Variants in CENPK observed in about 807,000 individuals in gnomAD.
The protein encoded by CENPK is centromere protein K.
In CENPK, 46 loss-of-function variants were observed where a neutral mutation model predicts 40.9. That is an observed-to-expected ratio of 1.13 (90% confidence interval 0.89 to 1.44). CENPK has a LOEUF of 1.44. Among genes scored for constraint, CENPK ranks in the 40% most tolerant of loss-of-function variants. CENPK has a pLI of 0.00. For synonymous variants in CENPK, 107 were observed against 104.4 expected (o/e 1.02, Z -0.15); for missense variants, 288 against 303.5 (o/e 0.95, Z 0.38).
chr5:65,501,945 C>T, the CENPK span, among the ~76,000 whole-genome samples: 56 of 152,260 alleles, frequency 3.7e-4, no homozygotes, highest in African/African-American at 1.3e-3. Context: ...AGGGTTGCCT[C>T]TTTACTACTG....
At chr5:65,527,556 A>T (rs1744950058) in intron 9 of CENPK, among the ~76,000 whole-genome samples, 1 of 89,648 alleles carries the variant, frequency 1.1e-5, no homozygotes, top group Non-Finnish European at 2.3e-5. Context: ...TATATATATG[A>T]ACTGTTCACA....
chr5:65,512,304 G>C, the CENPK span, among the ~76,000 whole-genome samples: 1 of 152,214 alleles, frequency 6.6e-6, no homozygotes, highest in Non-Finnish European at 1.5e-5. Context: ...GGTTTGAGAG[G>C]AGTGACTCTT....
downstream of CENPK, among the ~76,000 whole-genome samples, chr5:65,514,719 A>C (rs554122819): frequency 6.6e-6 from 1 of 152,354 alleles, no homozygotes; most frequent in East Asian, 1.9e-4. Flanking sequence ...TTGGAAGCTC[A>C]TAATTGATTC....
At chr5:65,562,474 G>C (rs1752180278) in intron 1 of CENPK, among the ~76,000 whole-genome samples, 1 of 152,188 alleles carries the variant, frequency 6.6e-6, no homozygotes, top group Non-Finnish European at 1.5e-5. Flanking sequence ...AAGTAGAGAA[G>C]AGATTTACGA....
the CENPK span, among the ~76,000 whole-genome samples, chr5:65,496,253 C>CAAACAAAACA: frequency 3.0e-3 from 457 of 150,514 alleles, 3 homozygotes; most frequent in African/African-American, 9.1e-3. Context: ...GACCTTGTCT[C>CAAACAAAACA]AAACAAAACA....
intron 9 of CENPK, among the ~76,000 whole-genome samples, chr5:65,522,455 G>T (rs1393239083): frequency 2.0e-5 from 3 of 151,842 alleles, no homozygotes; most frequent in Non-Finnish European, 2.9e-5. Flanking sequence ...TGGAGACAGG[G>T]TCTCACTCTG....
At chr5:65,527,529 ATATATATATATATATATATATATATG>A in intron 9 of CENPK, among the ~76,000 whole-genome samples, 1 of 79,694 alleles carries the variant, frequency 1.3e-5, no homozygotes, top group African/African-American at 3.8e-5. Context: ...ATATATATAT[ATATATATATATATATATATATATATG>A]AACTGTTCAC....
chr5:65,545,001 G>A (rs1748638094), intron 5 of CENPK, among the ~76,000 whole-genome samples: 1 of 151,932 alleles, frequency 6.6e-6, no homozygotes, highest in African/African-American at 2.4e-5. Flanking sequence ...ACTTAAAAAT[G>A]GTTAAAATTG....
chr5:65,524,834 G>T (rs1744399638), intron 9 of CENPK, among the ~76,000 whole-genome samples: 1 of 152,062 alleles, frequency 6.6e-6, no homozygotes, highest in Admixed American at 6.5e-5. Context: ...AGAAATAAGG[G>T]TATAGGAAAA....
At chr5:65,497,830 A>T in the CENPK span, among the ~76,000 whole-genome samples, 9 of 152,306 alleles carry the variant, frequency 5.9e-5, no homozygotes, top group South Asian at 1.9e-3. Context: ...TGATTGTGCC[A>T]TTGCACTGCA....
the CENPK span, among the ~76,000 whole-genome samples, chr5:65,503,110 ATTTTTTT>A: frequency 2.4e-5 from 3 of 126,888 alleles, no homozygotes; most frequent in African/African-American, 6.1e-5. Context: ...CCAATGTAAT[ATTTTTTT>A]TTTTTTTTTT....
chr5:65,555,980 A>G (rs1053897025), intron 2 of CENPK, among the ~76,000 whole-genome samples: 11 of 152,200 alleles, frequency 7.2e-5, no homozygotes, highest in African/African-American at 2.4e-4. Context: ...AGACTTACAC[A>G]CTACATAATG....
intron 6 of CENPK, among the ~76,000 whole-genome samples, chr5:65,530,669 AAG>A: frequency 6.6e-6 from 1 of 152,342 alleles, no homozygotes; most frequent in East Asian, 1.9e-4. Context: ...TATGAAAACA[AAG>A]AAAATAAATA....
intron 9 of CENPK, among the ~76,000 whole-genome samples, chr5:65,522,633 G>A (rs1416792174): frequency 2.0e-5 from 3 of 152,028 alleles, no homozygotes; most frequent in African/African-American, 4.8e-5. Context: ...GTCTTGCTAC[G>A]TTGTCCAAGC....
chr5:65,533,866 C>T (rs2150401362), intron 6 of CENPK, among the ~76,000 whole-genome samples: 1 of 151,706 alleles, frequency 6.6e-6, no homozygotes. Flanking sequence ...AATGGTGAAA[C>T]CCCATCTCTA....
chr5:65,543,285 T>C (rs988178881), intron 5 of CENPK, among the ~76,000 whole-genome samples: 7 of 152,210 alleles, frequency 4.6e-5, no homozygotes, highest in African/African-American at 1.4e-4. Flanking sequence ...TTTGCACATA[T>C]AGCCAACTAT....
Position 65,522,334 on chromosome 5 carries a change from C to T in CENPK, c.598-806G>A, listed in dbSNP as rs190209580. 2.6e-5 allele frequency among the ~76,000 whole-genome samples: 4 copies of T among 152,290 alleles called. No individual in the cohort carries two copies. The East Asian group carries it at 7.7e-4, about 29-fold the overall frequency. ...GAGAATAAATCTCATTCCAATTCTA[C>T]CCAAGAGTTCCTCAAATATTTGAAG... is the stretch of plus-strand genomic sequence containing the variant. On this transcript the variant is annotated intron_variant, in intron 9 of 10. Coordinates refer to ENST00000396679, the MANE Select transcript of CENPK (RefSeq NM_022145.5).
In CENPK at chr5:65,518,381, A is replaced by C. The variant is rs1370569166; in HGVS notation, c.*94T>G. On this transcript the variant is annotated 3_prime_UTR_variant, in exon 11 of 11. Coordinates refer to ENST00000396679, the MANE Select transcript of CENPK (RefSeq NM_022145.5). ...AAAGTAAGATGGCCTATGCGCATTA[A>C]TTTGCAAATAATGTTTTTTATCCAA... The C allele has an allele frequency of 5.4e-6, 7 of 1,293,364 alleles. No homozygotes were observed. Among genetic ancestry groups the C allele is most frequent in the Non-Finnish European group, 7.6e-6 (7 of 923,280 alleles). 80.1% of individuals were successfully genotyped at this position (1,293,364 alleles called of 1,614,324 possible). A position where few individuals can be genotyped will look rare whatever the true frequency, so the allele number is the denominator to read the frequency against.
chr5:65,510,496 CG>C, the CENPK span, among the ~76,000 whole-genome samples: 3 of 152,010 alleles, frequency 2.0e-5, no homozygotes, highest in African/African-American at 7.2e-5. Context: ...AAATGGCGTC[CG>C]GGCACGGTGG....
Sources: allele counts gnomAD v4.1 joint callset (sites outside exome capture counted in the v4.1 genomes callset), GRCh38; gene constraint gnomAD v4.1.1; transcripts MANE v1.5; gene names NCBI Gene and HGNC (gene_info 2026-07-23, HGNC 2026-07-21).